The following TNFSF4 variants were observed in gnomAD, a reference collection of about 807,000 sequenced individuals.
TNFSF4 encodes tumor necrosis factor ligand superfamily member 4.
A neutral mutation model predicts 7.3 loss-of-function variants in TNFSF4; 4 were observed. The observed-to-expected ratio is 0.55, with a 90% CI of 0.27 to 1.25. The LOEUF (loss-of-function observed/expected upper bound fraction) is 1.25, where lower values mean the gene tolerates loss of function less well. Among genes scored for constraint, TNFSF4 ranks in the 50% most tolerant of loss-of-function variants. The pLI is 0.12. For missense variants in TNFSF4, 181 were observed against 208.8 expected, an observed-to-expected ratio of 0.87 and a Z score of 0.82; for synonymous variants, 76 against 83.7, an observed-to-expected ratio of 0.91 and a Z score of 0.50.
chr1:173,350,677 C>G, the TNFSF4 span, among the ~76,000 whole-genome samples: 1 of 152,214 alleles, frequency 6.6e-6, no homozygotes, highest in Non-Finnish European at 1.5e-5. Flanking sequence ...AATCCAGATT[C>G]TTGGTGCCTC....
the TNFSF4 span, among the ~76,000 whole-genome samples, chr1:173,427,783 T>C: frequency 3.9e-5 from 6 of 152,200 alleles, no homozygotes; most frequent in African/African-American, 1.2e-4. Context: ...AGCCTATTGC[T>C]CCCAGACTAC....
chr1:173,340,413 T>G, the TNFSF4 span, among the ~76,000 whole-genome samples: 2 of 150,636 alleles, frequency 1.3e-5, no homozygotes, highest in Non-Finnish European at 3.0e-5. Flanking sequence ...ATTACTATAG[T>G]AGGGAAAGAG....
At chr1:173,173,222 C>T in the TNFSF4 span, among the ~76,000 whole-genome samples, 1 of 152,188 alleles carries the variant, frequency 6.6e-6, no homozygotes, top group Non-Finnish European at 1.5e-5. Flanking sequence ...TCCCAAATCT[C>T]CTGTTTCTCA....
the TNFSF4 span, among the ~76,000 whole-genome samples, chr1:173,294,936 C>T: frequency 5.3e-5 from 8 of 152,028 alleles, no homozygotes; most frequent in South Asian, 4.1e-4. Flanking sequence ...AATTTTTTAA[C>T]GGGCAAAATA....
chr1:173,370,881 G>T, the TNFSF4 span, among the ~76,000 whole-genome samples: 1 of 152,084 alleles, frequency 6.6e-6, no homozygotes, highest in African/African-American at 2.4e-5. Flanking sequence ...CACCCAGTAG[G>T]GCTTGTTATC....
At chr1:173,225,836 T>C in the TNFSF4 span, among the ~76,000 whole-genome samples, 1 of 152,230 alleles carries the variant, frequency 6.6e-6, no homozygotes, top group Non-Finnish European at 1.5e-5. Context: ...ATTAGGTTGG[T>C]TAAAATTCTT....
the TNFSF4 span, among the ~76,000 whole-genome samples, chr1:173,284,393 G>A: frequency 1.3e-5 from 2 of 152,314 alleles, no homozygotes; most frequent in East Asian, 3.9e-4. Flanking sequence ...TAAGTGCAAG[G>A]TAAAGCAGCA....
At chr1:173,384,694 A>G in the TNFSF4 span, among the ~76,000 whole-genome samples, 1,189 of 152,306 alleles carry the variant, frequency 7.8e-3, 20 homozygotes, top group African/African-American at 0.024. Context: ...AATTTTTAAT[A>G]TACAACTTAC....
the TNFSF4 span, among the ~76,000 whole-genome samples, chr1:173,262,116 A>G: frequency 6.6e-6 from 1 of 152,238 alleles, no homozygotes; most frequent in Admixed American, 6.5e-5. Flanking sequence ...GCAGTACATC[A>G]AAGAGCTTAT....
the TNFSF4 span, among the ~76,000 whole-genome samples, chr1:173,389,233 A>C: frequency 6.6e-6 from 1 of 152,190 alleles, no homozygotes; most frequent in Non-Finnish European, 1.5e-5. Flanking sequence ...CAGGACACCC[A>C]CATTTATTTA....
At chr1:173,269,412 C>A in the TNFSF4 span, among the ~76,000 whole-genome samples, 2 of 151,992 alleles carry the variant, frequency 1.3e-5, no homozygotes, top group Non-Finnish European at 2.9e-5. Flanking sequence ...TTTTTCTTTC[C>A]TTATTAAGCT....
the TNFSF4 span, among the ~76,000 whole-genome samples, chr1:173,273,026 T>A: frequency 6.6e-6 from 1 of 152,292 alleles, no homozygotes; most frequent in Non-Finnish European, 1.5e-5. Context: ...TTAAGACATA[T>A]GTGAGGCTAT....
At chr1:173,247,538 T>C in the TNFSF4 span, among the ~76,000 whole-genome samples, 1 of 152,196 alleles carries the variant, frequency 6.6e-6, no homozygotes, top group South Asian at 2.1e-4. Flanking sequence ...TTGAAAATAG[T>C]GGCCACTGAA....
At chr1:173,402,230 G>A in the TNFSF4 span, among the ~76,000 whole-genome samples, 6 of 152,196 alleles carry the variant, frequency 3.9e-5, no homozygotes, top group African/African-American at 9.7e-5. Flanking sequence ...GCAATCCTGA[G>A]AGGCAGAAAT....
the TNFSF4 span, among the ~76,000 whole-genome samples, chr1:173,326,941 C>T: frequency 6.6e-6 from 1 of 152,172 alleles, no homozygotes; most frequent in Non-Finnish European, 1.5e-5. Flanking sequence ...GGCCATACTG[C>T]CCAAGGTAAT....
At chr1:173,192,262 C>T (rs1463916397) in intron 1 of TNFSF4, among the ~76,000 whole-genome samples, 2 of 152,168 alleles carry the variant, frequency 1.3e-5, no homozygotes, top group African/African-American at 4.8e-5. Flanking sequence ...CACTCATTCA[C>T]AAAGATGTTT....
intron 2 of TNFSF4, 52 bp from the exon 3 acceptor site, chr1:173,186,917 G>A: frequency 1.6e-6 from 2 of 1,224,286 alleles, no homozygotes; most frequent in Non-Finnish European, 2.3e-6. Flanking sequence ...CATAGAATTG[G>A]GCAACAACCT....
chr1:173,188,498 A>G (rs181674431), intron 2 of TNFSF4, 23 bp downstream of exon 2: 514 of 1,572,376 alleles, frequency 3.3e-4, no homozygotes, highest in Non-Finnish European at 4.0e-4. Flanking sequence ...ATATGAATCA[A>G]TTAAACTTTT....
the TNFSF4 span, among the ~76,000 whole-genome samples, chr1:173,377,331 G>A: frequency 3.2e-4 from 48 of 152,160 alleles, no homozygotes; most frequent in Non-Finnish European, 5.9e-4. Flanking sequence ...CTAAAAACAC[G>A]AGCGTCAGGC....
Sources: allele counts gnomAD v4.1 joint callset (sites outside exome capture counted in the v4.1 genomes callset), GRCh38; gene constraint gnomAD v4.1.1; transcripts MANE v1.5; gene names NCBI Gene and HGNC (gene_info 2026-07-23, HGNC 2026-07-21).